The following UNC93B1 variants were observed in gnomAD, a reference collection of about 807,000 sequenced individuals.
The protein encoded by UNC93B1 is protein unc-93 homolog B1.
In UNC93B1, 33 loss-of-function variants were observed where a neutral mutation model predicts 56.8. The ratio of observed to expected loss-of-function variants is 0.58; its 90% CI spans 0.44 to 0.78. The LOEUF (loss-of-function observed/expected upper bound fraction) is 0.78, where lower values mean the gene tolerates loss of function less well. Ranked by LOEUF, UNC93B1 falls within the 30% of genes least tolerant of loss-of-function variation. The pLI is 0.00. For missense variants in UNC93B1, 673 were observed against 819.5 expected (o/e 0.82, Z 2.18); for synonymous variants, 334 against 358.6 (o/e 0.93, Z 0.77).
At chr11:68,000,781 G>C (rs1209956751) in intron 3 of UNC93B1, among the ~76,000 whole-genome samples, 1 of 152,222 alleles carries the variant, frequency 6.6e-6, no homozygotes, top group Non-Finnish European at 1.5e-5. Context: ...TGGGGTTCAA[G>C]CCTTCAGTCT....
In UNC93B1 at chr11:68,003,395, C is replaced by T. The variant is rs1450149758; in HGVS notation, c.239-220G>A. ...CAGACCCCCACCCGCCTTGCTCCGC[C>T]GGCCTCCAATTCTGACGGTGGCAGG... On this transcript the variant is annotated intron_variant, in intron 2 of 10. Transcript: ENST00000227471. The surrounding 1 kb of genome is among the most constrained non-coding windows in gnomAD (Gnocchi z 4.4). The T allele has an allele frequency of 4.9e-6, 4 of 818,082 alleles. No homozygotes were observed. The African/African-American group carries it at 5.4e-5, about 11-fold the overall frequency. 50.7% of individuals were successfully genotyped at this position (818,082 alleles called of 1,614,324 possible).
At position 67,991,588 on chromosome 11, in the gene UNC93B1, C is replaced by T. The variant is rs1163814751; in HGVS notation, c.1752G>A (p.Pro584=). 2 of 1,493,762 alleles carry T rather than the reference C, an allele frequency of 1.3e-6. No homozygotes were observed. The highest frequency in any genetic ancestry group is 1.8e-6 in the Non-Finnish European group (2 of 1,129,498). 92.5% of individuals were successfully genotyped at this position (1,493,762 alleles called of 1,614,324 possible). The change falls in exon 11 of 11, where the codon CCG becomes CCA. Residue 584 remains proline (P), a synonymous_variant. Transcript: ENST00000227471. ...CGTCTCCCCCCTGCGCCTGTTCGTA[C>T]GGGCAGGGCCGGCGGCCGAGTCCAG... is the stretch of plus-strand genomic sequence containing the variant. The part of the protein sequence containing the change: ...EPAGLGRRPC[P]YEQAQGGDGP...
At chr11:68,000,394 G>A (rs1002633157) in intron 3 of UNC93B1, among the ~76,000 whole-genome samples, 2 of 152,216 alleles carry the variant, frequency 1.3e-5, no homozygotes, top group Admixed American at 6.5e-5. Flanking sequence ...GCCAGGCACA[G>A]TGGCTCACAT....
intron 10 of UNC93B1, among the ~76,000 whole-genome samples, chr11:67,992,942 C>A (rs1287652747): frequency 6.6e-6 from 1 of 152,084 alleles, no homozygotes; most frequent in Non-Finnish European, 1.5e-5. Flanking sequence ...GGATTACAGG[C>A]GTGAGCCACT....
In UNC93B1 at chr11:68,003,033, A is replaced by G. The variant is rs749483009; in HGVS notation, c.381T>C (p.Pro127=). Residue 127 remains proline, a synonymous_variant, in exon 3 of 11, where the codon CCT becomes CCC. Coordinates refer to ENST00000227471, the MANE Select transcript of UNC93B1 (RefSeq NM_030930.4). The surrounding 1 kb of genome is among the most constrained non-coding windows in gnomAD (Gnocchi z 4.4). ...VTPIAALLYT[P]VLIRFFGTKW... is the part of the protein sequence containing the mutation. ...GCAGCCGCGCCCACCTGATGAGCAC[A>G]GGTGTGTAGAGCAGGGCGGCGATGG... is the stretch of plus-strand genomic sequence containing the variant. The G allele has an allele frequency of 3.7e-6, 6 of 1,611,338 alleles. No individual in the cohort carries two copies. In the East Asian group the frequency reaches 1.3e-4, roughly 36 times the overall value.
At position 67,998,376 on chromosome 11, in the gene UNC93B1, T is replaced by C; in HGVS notation, c.764A>G (p.Tyr255Cys). The C allele has an allele frequency of 6.2e-7, 1 of 1,613,968 alleles. No individual in the cohort carries two copies. ...GGACTAACCGCAGCTCTGCACATTGTACAGCGTGTGGTTCAGGTCATACAG... is the reference window on the plus strand; with the variant it reads ...GGACTAACCGCAGCTCTGCACATTGCACAGCGTGTGGTTCAGGTCATACAG... Reference protein sequence around the residue: ...HYLYDLNHTLYNVQSCGTNSH... With the variant: ...HYLYDLNHTLCNVQSCGTNSH... The change falls in exon 6 of 11, where the codon TAC (tyrosine) becomes TGC (cysteine). Residue 255 changes from tyrosine to cysteine, a missense_variant. Tyr to Cys is a radical substitution (Grantham distance 194). This residue lies in a region of UNC93B1 where 438 missense variants were observed against 465.9 expected (regional missense o/e 0.94). Transcript: ENST00000227471.
At chr11:68,000,048 A>T (rs1161106273) in intron 3 of UNC93B1, among the ~76,000 whole-genome samples, 1 of 152,136 alleles carries the variant, frequency 6.6e-6, no homozygotes, top group East Asian at 1.9e-4. Context: ...CAGGGGCTTG[A>T]CTCAGGCTGG....
At position 68,003,104 on chromosome 11, in the gene UNC93B1, G is replaced by GC; in HGVS notation, c.309dup (p.Leu104AlafsTer89). 1 of 1,613,630 alleles carries GC rather than the reference G, an allele frequency of 6.2e-7. No individual in the cohort carries two copies. The highest frequency in any genetic ancestry group is 8.5e-7 in the Non-Finnish European group (1 of 1,179,824). On this transcript the variant is annotated frameshift_variant, in exon 3 of 11. Transcript: ENST00000227471. LOFTEE classifies it high-confidence loss of function. The surrounding 1 kb of genome is among the most constrained non-coding windows in gnomAD (Gnocchi z 4.4). Reference sequence around the variant, plus strand: ...AGCATTTTGCTGTCGATGTCGGGCAGCCCCATGTTGCCATACTTCACCTCG... The same window carrying GC: ...AGCATTTTGCTGTCGATGTCGGGCAGCCCCCATGTTGCCATACTTCACCTCG...
chr11:68,003,123 C>A lies in UNC93B1; in HGVS notation c.291G>T (p.Val97=), dbSNP rs942131106. Residue 97 remains valine (V), a synonymous_variant, in exon 3 of 11, where the codon GTG becomes GTT. Transcript: ENST00000227471. The surrounding 1 kb of genome is among the most constrained non-coding windows in gnomAD (Gnocchi z 4.4). ...CGGGCAGCCCCATGTTGCCATACTT[C>A]ACCTCGCGGTAGGTCTCGTCGTAGT... ...ILHYDETYRE[V]KYGNMGLPDI... is the part of the protein sequence containing the mutation. 1 of 1,613,482 alleles carries A rather than the reference C, an allele frequency of 6.2e-7. No individual in the cohort carries two copies. The highest frequency in any genetic ancestry group is 8.5e-7 in the Non-Finnish European group (1 of 1,179,860).
intron 3 of UNC93B1, among the ~76,000 whole-genome samples, chr11:68,001,952 T>G (rs577403375): frequency 6.6e-6 from 1 of 151,960 alleles, no homozygotes; most frequent in Non-Finnish European, 1.5e-5. Flanking sequence ...AAGACCAGCC[T>G]GGTCAACATA....
intron 3 of UNC93B1, among the ~76,000 whole-genome samples, chr11:68,002,098 C>A (rs962210968): frequency 1.3e-5 from 2 of 151,596 alleles, no homozygotes; most frequent in Non-Finnish European, 2.9e-5. Flanking sequence ...GAGATCACAC[C>A]ACTGCACTGC....
At chr11:67,994,854 G>C (rs1856908836) in intron 9 of UNC93B1, among the ~76,000 whole-genome samples, 1 of 152,264 alleles carries the variant, frequency 6.6e-6, no homozygotes, top group African/African-American at 2.4e-5. Context: ...AACAGACACT[G>C]ACATGGATGC....
Position 67,995,887 on chromosome 11 carries a change from G to A in UNC93B1, c.1090-3C>T. On this transcript the variant is annotated splice_polypyrimidine_tract_variant and splice_region_variant and intron_variant, in intron 8 of 10. Coordinates refer to ENST00000227471, the MANE Select transcript of UNC93B1 (RefSeq NM_030930.4). ...CCCACCGAGCACACGCCATAGCCCTGCGGGGGGACAAGGGGTGAGTGTTGA... is the reference window on the plus strand; with the variant it reads ...CCCACCGAGCACACGCCATAGCCCTACGGGGGGACAAGGGGTGAGTGTTGA... 3 of 1,499,564 alleles carry A rather than the reference G, an allele frequency of 2.0e-6. No homozygotes were observed. Among genetic ancestry groups the A allele is most frequent in the Non-Finnish European group, 2.7e-6 (3 of 1,126,294 alleles). 92.9% of individuals were successfully genotyped at this position (1,499,564 alleles called of 1,614,324 possible).
chr11:67,993,771 C>G lies in UNC93B1; in HGVS notation c.1387G>C (p.Asp463His). The G allele has an allele frequency of 8.4e-7, 1 of 1,193,878 alleles. No individual in the cohort carries two copies. The highest frequency in any genetic ancestry group is 1.2e-6 in the Non-Finnish European group (1 of 832,482). The allele number at this position is 1,193,878 out of a possible 1,614,324, so 74.0% of individuals were successfully genotyped here. The change falls in exon 10 of 11, where the codon GAC becomes CAC. Residue 463 changes from aspartate to histidine, a missense_variant. This residue lies in a region of UNC93B1 where 155 missense variants were observed against 268.3 expected (regional missense o/e 0.58). Coordinates refer to ENST00000227471, the MANE Select transcript of UNC93B1 (RefSeq NM_030930.4). ...LSTLLGILYE[D>H]KERQDFIFTI... ...AAGATGAAGTCCTGTCTCTCCTTGT[C>G]TTCGTACAAGATTCCCAGGAGTGCT... is the stretch of plus-strand genomic sequence containing the variant.
Position 67,997,773 on chromosome 11 carries a change from C to T in UNC93B1, c.808G>A (p.Gly270Ser), listed in dbSNP as rs766861194. 3 of 1,609,560 alleles carry T rather than the reference C, an allele frequency of 1.9e-6. No homozygotes were observed. The highest frequency in any genetic ancestry group is 2.5e-6 in the Non-Finnish European group (3 of 1,179,688). The change falls in exon 7 of 11, where the codon GGC (glycine) becomes AGC (serine). Residue 270 changes from glycine (G) to serine (S), a missense_variant. Coordinates refer to ENST00000227471, the MANE Select transcript of UNC93B1 (RefSeq NM_030930.4). The part of the protein sequence containing the change: ...CGTNSHGILS[G>S]FNKTVLRTLP... ...GTCCGCAGAACCGTCTTGTTGAAGC[C>T]GCTGAGGATCCCGTGGCTGTTGGTG...
chr11:68,003,440 C>A lies in UNC93B1; in HGVS notation c.238+217G>T. On this transcript the variant is annotated intron_variant, in intron 2 of 10. Coordinates refer to ENST00000227471, the MANE Select transcript of UNC93B1 (RefSeq NM_030930.4). The surrounding 1 kb of genome is among the most constrained non-coding windows in gnomAD (Gnocchi z 4.4). ...GGCAGGTCTGTCCGGGAGCCCGGACCCCCGTCCCCCACCCACACCGAGGCT... is the reference window on the plus strand; with the variant it reads ...GGCAGGTCTGTCCGGGAGCCCGGACACCCGTCCCCCACCCACACCGAGGCT... The A allele has an allele frequency of 1.2e-6, 1 of 836,316 alleles. No homozygotes were observed. Among genetic ancestry groups the A allele is most frequent in the Non-Finnish European group, 1.7e-6 (1 of 573,028 alleles). The allele number at this position is 836,316 out of a possible 1,614,324, so 51.8% of individuals were successfully genotyped here.
At chr11:67,993,849 G>T in intron 9 of UNC93B1, 55 bp from the exon 10 acceptor site, 3 of 1,119,938 alleles carry the variant, frequency 2.7e-6, no homozygotes, top group Non-Finnish European at 3.9e-6. Flanking sequence ...GGGGCCTGGG[G>T]CTACCGAGCT....
At chr11:67,995,190 G>A (rs962313813) in intron 9 of UNC93B1, among the ~76,000 whole-genome samples, 4 of 152,170 alleles carry the variant, frequency 2.6e-5, no homozygotes, top group Non-Finnish European at 5.9e-5. Flanking sequence ...GGTAAGCCCT[G>A]TCCCCTGGTA....
At chr11:67,994,099 C>G (rs1856894932) in intron 9 of UNC93B1, among the ~76,000 whole-genome samples, 1 of 152,208 alleles carries the variant, frequency 6.6e-6, no homozygotes, top group Non-Finnish European at 1.5e-5. Flanking sequence ...ATGTCCTGTC[C>G]CCAACCCAGG....
Sources: allele counts gnomAD v4.1 joint callset (sites outside exome capture counted in the v4.1 genomes callset), GRCh38; gene constraint gnomAD v4.1.1; regional missense constraint gnomAD v4.1.1; non-coding constraint Gnocchi (gnomAD v3.1); transcripts MANE v1.5; gene names NCBI Gene and HGNC (gene_info 2026-07-23, HGNC 2026-07-21).